Variants in PCCA observed in about 807,000 individuals in gnomAD.
PCCA encodes propionyl-CoA carboxylase alpha chain, mitochondrial.
PCCA carries 74 observed loss-of-function variants against 101.3 expected under a neutral mutation model. The ratio of observed to expected loss-of-function variants is 0.73; its 90% CI spans 0.61 to 0.89. The LOEUF is 0.89. PCCA is among the 40% of genes least tolerant of loss of function. The pLI is 0.00. For synonymous variants in PCCA, 294 were observed against 313.6 expected, an observed-to-expected ratio of 0.94 and a Z score of 0.66; for missense variants, 891 against 907.0, an observed-to-expected ratio of 0.98 and a Z score of 0.23.
intron 8 of PCCA, chr13:100,237,002 G>A (rs1358017812): frequency 6.6e-6 from 1 of 152,198 alleles, no homozygotes; most frequent in African/African-American, 2.4e-5. Context: ...GTACGCCTCA[G>A]TCCAAGCATC....
chr13:100,446,903 A>G (rs2152923470), intron 20 of PCCA, among the ~76,000 whole-genome samples: 1 of 152,322 alleles, frequency 6.6e-6, no homozygotes, highest in Admixed American at 6.5e-5. Flanking sequence ...ATAAACTGTA[A>G]GCGTTTTTCA....
At chr13:100,521,443 C>G (rs928352721) in intron 22 of PCCA, among the ~76,000 whole-genome samples, 1 of 152,240 alleles carries the variant, frequency 6.6e-6, no homozygotes, top group Admixed American at 6.5e-5. Context: ...GCGTCTCCTG[C>G]CCGCCTGGTC....
intron 2 of PCCA, among the ~76,000 whole-genome samples, chr13:100,105,470 A>G (rs2047666102): frequency 6.6e-6 from 1 of 152,104 alleles, no homozygotes; most frequent in South Asian, 2.1e-4. Context: ...GGAATACTAC[A>G]AACGGTTCAG....
chr13:100,191,447 C>A (rs957090362), intron 6 of PCCA, among the ~76,000 whole-genome samples: 2 of 152,130 alleles, frequency 1.3e-5, no homozygotes, highest in African/African-American at 2.4e-5. Context: ...GGGTCACCTC[C>A]GTCCTAAGTG....
intron 6 of PCCA, among the ~76,000 whole-genome samples, chr13:100,160,327 A>C (rs1049294645): frequency 3.3e-5 from 5 of 152,006 alleles, no homozygotes; most frequent in Non-Finnish European, 7.4e-5. Context: ...ACATGGCGAA[A>C]CCCCATCTCT....
intron 6 of PCCA, among the ~76,000 whole-genome samples, chr13:100,171,185 T>C (rs2055597325): frequency 6.6e-6 from 1 of 152,224 alleles, no homozygotes; most frequent in Admixed American, 6.5e-5. Flanking sequence ...GAATTTGTCA[T>C]AAAAATGTTA....
intron 20 of PCCA, among the ~76,000 whole-genome samples, chr13:100,438,744 C>G (rs971838731): frequency 1.3e-5 from 2 of 151,794 alleles, no homozygotes; most frequent in African/African-American, 4.8e-5. Flanking sequence ...AGAAAACACC[C>G]TTTACCAACA....
chr13:100,519,515 G>A (rs531992438), intron 22 of PCCA, among the ~76,000 whole-genome samples: 3 of 152,326 alleles, frequency 2.0e-5, no homozygotes, highest in South Asian at 2.1e-4. Context: ...GGTGGGCGTC[G>A]GTGGCAACAC....
At chr13:100,174,886 A>G (rs534206626) in intron 6 of PCCA, among the ~76,000 whole-genome samples, 23 of 152,158 alleles carry the variant, frequency 1.5e-4, no homozygotes, top group African/African-American at 5.5e-4. Context: ...TATTAATTAT[A>G]TCTTTATTCA....
intron 22 of PCCA, among the ~76,000 whole-genome samples, chr13:100,519,320 G>T (rs1238900947): frequency 6.6e-6 from 1 of 152,212 alleles, no homozygotes; most frequent in Non-Finnish European, 1.5e-5. Context: ...TTTTTCTTGC[G>T]AATTAGCCCA....
chr13:100,264,089 TATCTGTATATCGTATATATAC>T, intron 10 of PCCA, among the ~76,000 whole-genome samples: 1 of 145,886 alleles, frequency 6.9e-6, no homozygotes, highest in Non-Finnish European at 1.5e-5. Context: ...ATATATACGG[TATCTGTATATCGTATATATAC>T]GGTATCTGTA....
intron 18 of PCCA, among the ~76,000 whole-genome samples, chr13:100,364,910 G>A (rs145745466): frequency 1.3e-5 from 2 of 152,068 alleles, no homozygotes; most frequent in African/African-American, 2.4e-5. Flanking sequence ...GCCAGACCTG[G>A]TGGTGGCGCA....
At chr13:100,451,735 TC>T in intron 21 of PCCA, among the ~76,000 whole-genome samples, 1 of 102,498 alleles carries the variant, frequency 9.8e-6, no homozygotes, top group Non-Finnish European at 2.0e-5. Context: ...TCTCTCTCTC[TC>T]TCTTCTCTCC....
intron 4 of PCCA, among the ~76,000 whole-genome samples, chr13:100,132,554 T>C (rs985788327): frequency 8.5e-5 from 13 of 152,218 alleles, no homozygotes; most frequent in African/African-American, 3.1e-4. Flanking sequence ...TTTAAATCCA[T>C]TTACCTGTTG....
chr13:100,322,988 T>G (rs1234983779), intron 16 of PCCA, among the ~76,000 whole-genome samples: 2 of 152,246 alleles, frequency 1.3e-5, no homozygotes, highest in East Asian at 3.8e-4. Flanking sequence ...TTCCTTCCCA[T>G]GATATCTAAT....
intron 22 of PCCA, among the ~76,000 whole-genome samples, chr13:100,516,864 A>T (rs1336431836): frequency 6.6e-6 from 1 of 152,048 alleles, no homozygotes; most frequent in Non-Finnish European, 1.5e-5. Flanking sequence ...CTTGCACGTG[A>T]CATTATCAGA....
chr13:100,278,084 A>C (rs959866002), intron 12 of PCCA, among the ~76,000 whole-genome samples: 1 of 152,204 alleles, frequency 6.6e-6, no homozygotes, highest in Admixed American at 6.5e-5. Flanking sequence ...TTTTGTGACT[A>C]TCTTTAGAAG....
intron 19 of PCCA, among the ~76,000 whole-genome samples, chr13:100,390,304 T>C (rs2076738275): frequency 6.6e-6 from 1 of 152,128 alleles, no homozygotes; most frequent in African/African-American, 2.4e-5. Flanking sequence ...AATTGAAGCA[T>C]AGAGAGGTTA....
rs149852085 is a variant in PCCA at position 100,285,364 on chromosome 13, C to T, written c.1065+12018C>T. On this transcript the variant is annotated intron_variant, in intron 12 of 23. Coordinates refer to ENST00000376285, the MANE Select transcript of PCCA (RefSeq NM_000282.4). ...CCACAGTACAAAGCTTCTCTTTATA[C>T]GTCACAGAGAGAGCCGGGATAGCTC... Among the ~76,000 whole-genome samples the T allele has an allele frequency of 3.0e-3, 463 of 152,292 alleles. 1 individual carries two copies. Among genetic ancestry groups the T allele is most frequent in the African/African-American group, 0.01 (423 of 41,546 alleles).
Sources: gnomAD v4.1 joint callset for allele counts (sites outside exome capture counted in the v4.1 genomes callset) on GRCh38, gnomAD v4.1.1 for gene constraint, MANE v1.5 for transcripts, NCBI Gene and HGNC (gene_info 2026-07-23, HGNC 2026-07-21) for gene names.